EXOC4: variants seen among roughly 807,000 people sequenced by gnomAD.
EXOC4 encodes exocyst complex component 4.
EXOC4 carries 71 observed loss-of-function variants against 107.2 expected under a neutral mutation model. The ratio of observed to expected loss-of-function variants is 0.66; its 90% CI spans 0.55 to 0.81. The LOEUF (loss-of-function observed/expected upper bound fraction) is 0.81. Among genes scored for constraint, EXOC4 ranks in the 30% least tolerant of loss-of-function variants. The pLI is 0.00. For missense variants in EXOC4, 1,108 were observed against 1,189.6 expected (o/e 0.93, Z 1.01); for synonymous variants, 456 against 441.2 (o/e 1.03, Z -0.42).
At chr7:133,626,721 A>G (rs10464715) in intron 9 of EXOC4, among the ~76,000 whole-genome samples, 150,373 of 152,322 alleles carry the variant, frequency 0.99, 74,258 homozygotes, top group Middle Eastern at 1. Context: ...GTCAATGTGC[A>G]TATATTTTCA....
chr7:133,643,034 A>T (rs1802897729), intron 10 of EXOC4, among the ~76,000 whole-genome samples: 1 of 152,154 alleles, frequency 6.6e-6, no homozygotes, highest in African/African-American at 2.4e-5. Context: ...CTGCTTTTAA[A>T]AAATTATTGT....
intron 7 of EXOC4, among the ~76,000 whole-genome samples, chr7:133,438,318 T>C (rs897395141): frequency 6.6e-6 from 1 of 152,202 alleles, no homozygotes; most frequent in Non-Finnish European, 1.5e-5. Context: ...CCTGATTCTT[T>C]AATGTTTGTA....
At chr7:133,645,315 A>G (rs1802963865) in intron 10 of EXOC4, among the ~76,000 whole-genome samples, 1 of 151,146 alleles carries the variant, frequency 6.6e-6, no homozygotes, top group Admixed American at 6.6e-5. Flanking sequence ...GATGGTCTCT[A>G]TCTCCTGACC....
chr7:133,973,543 AG>A (rs1793752068), intron 14 of EXOC4, among the ~76,000 whole-genome samples: 1 of 152,202 alleles, frequency 6.6e-6, no homozygotes, highest in Admixed American at 6.5e-5. Flanking sequence ...AGCAGCAAGA[AG>A]TAACGAAGCT....
chr7:133,380,294 TG>T (rs1173521676), intron 7 of EXOC4, among the ~76,000 whole-genome samples: 2 of 146,264 alleles, frequency 1.4e-5, no homozygotes, highest in Admixed American at 6.9e-5. Flanking sequence ...TAAAATAAAA[TG>T]AGTGATTTGG....
At chr7:133,618,998 A>C (rs140038795) in intron 9 of EXOC4, among the ~76,000 whole-genome samples, 268 of 152,252 alleles carry the variant, frequency 1.8e-3, no homozygotes, top group African/African-American at 6.0e-3. Flanking sequence ...TTTTGTTAGA[A>C]TATTACAAAA....
intron 11 of EXOC4, among the ~76,000 whole-genome samples, chr7:133,838,214 A>G (rs533632234): frequency 6.6e-6 from 1 of 152,314 alleles, no homozygotes; most frequent in South Asian, 2.1e-4. Context: ...TTGTTTTTGT[A>G]CTAGAGAGAA....
chr7:133,823,122 C>A (rs1041705979), intron 11 of EXOC4, among the ~76,000 whole-genome samples: 15 of 152,190 alleles, frequency 9.9e-5, no homozygotes, highest in African/African-American at 3.6e-4. Flanking sequence ...ATAAGCTGTG[C>A]AAGTACAAAT....
chr7:134,004,790 C>T (rs1272939300), intron 15 of EXOC4, 122 bp from the exon 16 acceptor site: 51 of 780,696 alleles, frequency 6.5e-5, no homozygotes, highest in Non-Finnish European at 6.0e-5. Context: ...TGTTGGCTAT[C>T]ATGGCTAGTC....
At chr7:133,948,620 C>A (rs1310875546) in intron 14 of EXOC4, among the ~76,000 whole-genome samples, 1 of 152,126 alleles carries the variant, frequency 6.6e-6, no homozygotes, top group East Asian at 1.9e-4. Context: ...CCAAAGGATA[C>A]TACGGTAATG....
intron 11 of EXOC4, among the ~76,000 whole-genome samples, chr7:133,846,122 A>C (rs1327393804): frequency 6.6e-6 from 1 of 151,482 alleles, no homozygotes; most frequent in African/African-American, 2.5e-5. Flanking sequence ...CAAGCAAAAA[A>C]ATAAGGGATA....
intron 10 of EXOC4, among the ~76,000 whole-genome samples, chr7:133,668,286 C>T (rs1196240039): frequency 6.6e-6 from 1 of 152,176 alleles, no homozygotes; most frequent in Non-Finnish European, 1.5e-5. Context: ...AAAATGTATA[C>T]ATACAGAATA....
chr7:133,616,319 A>G (rs1399260737), intron 9 of EXOC4, among the ~76,000 whole-genome samples: 3 of 152,078 alleles, frequency 2.0e-5, no homozygotes, highest in African/African-American at 4.8e-5. Context: ...TCATGAGGTC[A>G]TGGATTATGG....
intron 9 of EXOC4, among the ~76,000 whole-genome samples, chr7:133,593,072 A>G (rs1403691588): frequency 2.0e-5 from 3 of 152,208 alleles, no homozygotes; most frequent in Non-Finnish European, 2.9e-5. Flanking sequence ...TAAAGCTTAT[A>G]CTTTCAAAAT....
chr7:133,449,515 C>T (rs902058174), intron 7 of EXOC4, among the ~76,000 whole-genome samples: 7 of 152,016 alleles, frequency 4.6e-5, no homozygotes, highest in Non-Finnish European at 8.8e-5. Context: ...ACTGTTTTTT[C>T]TTTAAAAATC....
intron 2 of EXOC4, among the ~76,000 whole-genome samples, chr7:133,278,074 G>T (rs369044257): frequency 4.3e-4 from 65 of 152,118 alleles, no homozygotes; most frequent in Non-Finnish European, 4.9e-4. Context: ...GCAAATATCT[G>T]TTGAGTGCCC....
chr7:133,501,476 T>A (rs1007318638), intron 9 of EXOC4, among the ~76,000 whole-genome samples: 7 of 152,284 alleles, frequency 4.6e-5, no homozygotes, highest in Admixed American at 4.6e-4. Flanking sequence ...ATCTTGACAT[T>A]TTAGATAATG....
chr7:133,970,511 A>T (rs1222732411), intron 14 of EXOC4, among the ~76,000 whole-genome samples: 4 of 152,024 alleles, frequency 2.6e-5, no homozygotes, highest in Admixed American at 1.3e-4. Context: ...TGCAGGTTGC[A>T]AAGACTGTGG....
At chr7:133,577,946 C>A (rs571874579) in intron 9 of EXOC4, among the ~76,000 whole-genome samples, 34 of 152,100 alleles carry the variant, frequency 2.2e-4, no homozygotes, top group Non-Finnish European at 4.1e-4. Context: ...AACGCAGTCA[C>A]ATTATATAAG....
Sources: allele counts gnomAD v4.1 joint callset (sites outside exome capture counted in the v4.1 genomes callset), GRCh38; gene constraint gnomAD v4.1.1; transcripts MANE v1.5; gene names NCBI Gene and HGNC (gene_info 2026-07-23, HGNC 2026-07-21).